The following SMC4 variants were observed in gnomAD, a reference collection of about 807,000 sequenced individuals.
SMC4 encodes structural maintenance of chromosomes 4.
In SMC4, 87 loss-of-function variants were observed where a neutral mutation model predicts 145.6. That is an observed-to-expected ratio of 0.60 (90% CI 0.50 to 0.71). The LOEUF (loss-of-function observed/expected upper bound fraction) is 0.71, where lower values mean the gene tolerates loss of function less well. Among genes scored for constraint, SMC4 ranks in the 30% least tolerant of loss-of-function variants. The pLI is 0.00. For missense variants in SMC4, 1,447 were observed against 1,537.1 expected (o/e 0.94, Z 0.98); for synonymous variants, 558 against 500.7 (o/e 1.11, Z -1.53).
At chr3:160,426,852 G>C (rs1339932798) in intron 17 of SMC4, among the ~76,000 whole-genome samples, 2 of 152,104 alleles carry the variant, frequency 1.3e-5, no homozygotes, top group African/African-American at 4.8e-5. Flanking sequence ...TCCCCTTCCA[G>C]GTTTACAGAA....
At chr3:160,403,682 C>T (rs748319924) in intron 4 of SMC4, among the ~76,000 whole-genome samples, 1 of 151,960 alleles carries the variant, frequency 6.6e-6, no homozygotes, top group Non-Finnish European at 1.5e-5. Flanking sequence ...AGATTTTATT[C>T]CATTGCATAT....
intron 1 of SMC4, 23 bp from the exon 2 acceptor site, chr3:160,400,799 T>A: frequency 6.7e-7 from 1 of 1,494,692 alleles, no homozygotes; most frequent in Non-Finnish European, 8.8e-7. Flanking sequence ...GCTGACTTGC[T>A]CCCGGCTGTC....
intron 21 of SMC4, 63 bp from the exon 22 acceptor site, chr3:160,432,220 A>G: frequency 1.6e-6 from 2 of 1,221,856 alleles, no homozygotes; most frequent in Non-Finnish European, 2.3e-6. Flanking sequence ...GTAATAATTA[A>G]CAATGCTAAT....
Position 160,399,720 on chromosome 3 carries a change from C to T in SMC4, c.-35C>T, listed in dbSNP as rs894005094. On this transcript the variant is annotated 5_prime_UTR_variant, in exon 1 of 24. Coordinates refer to ENST00000357388, the MANE Select transcript of SMC4 (RefSeq NM_001002800.3). ...GAGGTGGGTACTACACAACCGTCTC[C>T]AGCCTTGGTCTGAGTGGACTGTCCT... 1 of 152,666 alleles carries T rather than the reference C, an allele frequency of 6.6e-6. No homozygotes were observed. Among genetic ancestry groups the T allele is most frequent in the African/African-American group, 2.4e-5 (1 of 41,462 alleles). 9.5% of individuals were successfully genotyped at this position (152,666 alleles called of 1,614,324 possible). A position where few individuals can be genotyped will look rare whatever the true frequency, so the allele number is the denominator to read the frequency against.
intron 17 of SMC4, among the ~76,000 whole-genome samples, chr3:160,427,849 G>C (rs1456128687): frequency 1.3e-5 from 2 of 152,210 alleles, no homozygotes; most frequent in African/African-American, 4.8e-5. Context: ...CACTTGGGAA[G>C]GCCAAGGCAG....
intron 5 of SMC4, among the ~76,000 whole-genome samples, chr3:160,405,317 C>CG (rs1045167056): frequency 4.9e-5 from 5 of 102,412 alleles, no homozygotes; most frequent in African/African-American, 2.2e-4. Context: ...CAGAATTTTT[C>CG]GGAAAAAAAA....
intron 4 of SMC4, 33 bp downstream of exon 4, chr3:160,402,900 A>G (rs762290715): frequency 4.8e-6 from 7 of 1,470,286 alleles, no homozygotes; most frequent in African/African-American, 1.5e-5. Flanking sequence ...GGCAAGTTCA[A>G]GTAAGGAAAA....
chr3:160,402,234 C>G (rs1714771657), intron 3 of SMC4, 141 bp downstream of exon 3: 2 of 536,078 alleles, frequency 3.7e-6, no homozygotes. Flanking sequence ...CTGTCTCTCT[C>G]TCTCACACAC....
chr3:160,404,617 T>A (rs767416190), intron 5 of SMC4, 113 bp downstream of exon 5: 1 of 942,742 alleles, frequency 1.1e-6, no homozygotes, highest in East Asian at 2.4e-5. Context: ...TAGCAGCACA[T>A]CATGGTTTAC....
intron 4 of SMC4, chr3:160,404,095 G>T (rs558479440): frequency 6.6e-5 from 28 of 426,450 alleles, no homozygotes; most frequent in African/African-American, 5.7e-4. Flanking sequence ...TTGGCTGGTT[G>T]GTTTGGCTTC....
At chr3:160,401,747 G>A (rs1177473572) in intron 2 of SMC4, among the ~76,000 whole-genome samples, 168 bp from the exon 3 acceptor site, 1 of 152,132 alleles carries the variant, frequency 6.6e-6, no homozygotes, top group Non-Finnish European at 1.5e-5. Context: ...GTGAGTTTAA[G>A]ATAATAACAT....
intron 13 of SMC4, among the ~76,000 whole-genome samples, chr3:160,422,649 T>A (rs1457092030): frequency 2.0e-5 from 3 of 152,206 alleles, no homozygotes; most frequent in Non-Finnish European, 4.4e-5. Flanking sequence ...TTCTTGATGG[T>A]ATCCTTTGAG....
intron 12 of SMC4, among the ~76,000 whole-genome samples, chr3:160,419,778 A>G (rs1226044466): frequency 6.6e-6 from 1 of 152,248 alleles, no homozygotes; most frequent in South Asian, 2.1e-4. Flanking sequence ...GTAATGTCAC[A>G]CAAACTTAAA....
chr3:160,412,676 A>G lies in SMC4; in HGVS notation c.980+223A>G, dbSNP rs1186955546. The stretch of plus-strand genomic sequence containing the variant: ...TGGGAGTTCAAGACCAGCCTGGGCA[A>G]CATAGCAAGACCCCATCTCTACAAA... On this transcript the variant is annotated intron_variant, in intron 7 of 23. Transcript: ENST00000357388. 4 of 872,728 alleles carry G rather than the reference A, an allele frequency of 4.6e-6. No individual in the cohort carries two copies. The Admixed American group carries it at 1.9e-4, about 41-fold the overall frequency. 54.1% of individuals were successfully genotyped at this position (872,728 alleles called of 1,614,324 possible). A position where few individuals can be genotyped will look rare whatever the true frequency, so the allele number is the denominator to read the frequency against.
rs1344598061 is a variant in SMC4, at chr3:160,433,971, CTA to C, written c.*165_*166del. 2.0e-6 allele frequency: 1 copy of C among 494,940 alleles called. No homozygotes were observed. Among genetic ancestry groups the C allele is most frequent in the East Asian group, 3.8e-5 (1 of 26,364 alleles). The allele number at this position is 494,940 out of a possible 1,614,324, so 30.7% of individuals were successfully genotyped here. On this transcript the variant is annotated 3_prime_UTR_variant, in exon 24 of 24. Transcript: ENST00000357388. Reference sequence around the variant, plus strand: ...TTTGTAAAGTCTAATAAAATATTCTCTATAATTGCTTCTAGATTACAAAAATA... The same window carrying C: ...TTTGTAAAGTCTAATAAAATATTCTCTAATTGCTTCTAGATTACAAAAATA...
rs1212969536 is a variant in SMC4 at position 160,400,954 on chromosome 3, C to T, written c.128C>T (p.Ala43Val). Residue 43 changes from alanine to valine, a missense_variant, in exon 2 of 24, where the codon GCC becomes GTC. Ala to Val is a moderately conservative substitution (Grantham distance 64, BLOSUM62 0). Transcript: ENST00000357388. ...CCGTCCGGCCGCACGGAGAGCCCAG[C>T]CACCGCCGCAGGTGAGTGACCCGCC... ...EPPSGRTESPATAAETASEEL... is the reference protein window; with the variant it reads ...EPPSGRTESPVTAAETASEEL... 5 of 1,432,892 alleles carry T rather than the reference C, an allele frequency of 3.5e-6. No individual in the cohort carries two copies. In the East Asian group the frequency reaches 8.8e-5, roughly 25 times the overall value. The allele number at this position is 1,432,892 out of a possible 1,614,324, so 88.8% of individuals were successfully genotyped here. A position where few individuals can be genotyped will look rare whatever the true frequency, so the allele number is the denominator to read the frequency against.
chr3:160,401,233 C>G (rs1169071037), intron 2 of SMC4, among the ~76,000 whole-genome samples: 4 of 151,734 alleles, frequency 2.6e-5, no homozygotes, highest in Non-Finnish European at 5.9e-5. Context: ...GTACAGGTCA[C>G]AAACAAAAAT....
At position 160,433,225 on chromosome 3, in the gene SMC4, G is replaced by A. The variant is rs1164380779; in HGVS notation, c.3714+16G>A. 2 of 1,579,348 alleles carry A rather than the reference G, an allele frequency of 1.3e-6. No individual in the cohort carries two copies. Among genetic ancestry groups the A allele is most frequent in the Non-Finnish European group, 1.7e-6 (2 of 1,156,530 alleles). ...TTATATATATGTAAGTAATCATTTTGGGATTTTCATTCCAGAAACTTTTAG... is the reference window on the plus strand; with the variant it reads ...TTATATATATGTAAGTAATCATTTTAGGATTTTCATTCCAGAAACTTTTAG... On this transcript the variant is annotated intron_variant, in intron 23 of 23. Coordinates refer to ENST00000357388, the MANE Select transcript of SMC4 (RefSeq NM_001002800.3).
At chr3:160,419,095 A>G (rs964773972) in intron 11 of SMC4, among the ~76,000 whole-genome samples, 4 of 152,144 alleles carry the variant, frequency 2.6e-5, no homozygotes, top group Non-Finnish European at 5.9e-5. Context: ...CTTCTCTATC[A>G]GGATGAACTG....
Sources: gnomAD v4.1 joint callset for allele counts (sites outside exome capture counted in the v4.1 genomes callset) on GRCh38, gnomAD v4.1.1 for gene constraint, MANE v1.5 for transcripts, NCBI Gene and HGNC (gene_info 2026-07-23, HGNC 2026-07-21) for gene names.